The following DCUN1D4 variants were observed in gnomAD, a reference collection of about 807,000 sequenced individuals.
The protein encoded by DCUN1D4 is DCN1-like protein 4.
DCUN1D4 carries 22 observed loss-of-function variants against 47.9 expected under a neutral mutation model. The ratio of observed to expected loss-of-function variants is 0.46; its 90% CI spans 0.33 to 0.66. The LOEUF (loss-of-function observed/expected upper bound fraction) is 0.66, where lower values mean the gene tolerates loss of function less well. Ranked by LOEUF, DCUN1D4 falls within the 30% of genes least tolerant of loss-of-function variation. The pLI is 0.02. For synonymous variants in DCUN1D4, 121 were observed against 112.2 expected (o/e 1.08, Z -0.50); for missense variants, 301 against 340.8 (o/e 0.88, Z 0.92).
At chr4:51,859,368 T>A (rs1439424542) in intron 1 of DCUN1D4, among the ~76,000 whole-genome samples, 1 of 152,192 alleles carries the variant, frequency 6.6e-6, no homozygotes. Context: ...GTGACTATGG[T>A]ATAAAGGGAA....
upstream of DCUN1D4, chr4:51,842,869 G>A (rs1721814999): frequency 3.5e-6 from 1 of 284,488 alleles, no homozygotes; most frequent in South Asian, 1.1e-4. Context: ...CAATTTCCCA[G>A]CTTCGCCCCT....
chr4:51,853,215 T>C (rs1723629474), intron 1 of DCUN1D4, among the ~76,000 whole-genome samples: 1 of 152,104 alleles, frequency 6.6e-6, no homozygotes, highest in Non-Finnish European at 1.5e-5. Flanking sequence ...CTTTTTTGAG[T>C]CCTGCAAGAG....
At chr4:51,855,066 G>A (rs1303266252) in intron 1 of DCUN1D4, among the ~76,000 whole-genome samples, 1 of 152,152 alleles carries the variant, frequency 6.6e-6, no homozygotes, top group East Asian at 1.9e-4. Context: ...GCAAAAGGAA[G>A]TCCCTATCCT....
intron 6 of DCUN1D4, among the ~76,000 whole-genome samples, chr4:51,890,869 T>C (rs1319062919): frequency 6.6e-6 from 1 of 152,220 alleles, no homozygotes; most frequent in African/African-American, 2.4e-5. Flanking sequence ...TTCTCTAAAA[T>C]AGCTAAGGAA....
At chr4:51,897,449 C>G (rs543581591) in intron 7 of DCUN1D4, among the ~76,000 whole-genome samples, 1 of 152,160 alleles carries the variant, frequency 6.6e-6, no homozygotes, top group Non-Finnish European at 1.5e-5. Context: ...ATTATCTGTA[C>G]TTAGTAGGTT....
At chr4:51,843,002 TG>T (rs1229652006), upstream of DCUN1D4, 18 of 1,291,610 alleles carry the variant, frequency 1.4e-5, no homozygotes, top group East Asian at 3.1e-5. Context: ...TATTGGCCAG[TG>T]GGGGGCGGGG....
rs1051160955 is a variant in DCUN1D4 at position 51,891,912 on chromosome 4, C to A, written c.506+61C>A. 3.9e-6 allele frequency: 5 copies of A among 1,288,410 alleles called. No homozygotes were observed. In the South Asian group the frequency reaches 6.5e-5, roughly 17 times the overall value. 79.8% of individuals were successfully genotyped at this position (1,288,410 alleles called of 1,614,324 possible). On this transcript the variant is annotated intron_variant, in intron 7 of 10. Coordinates refer to ENST00000334635, the MANE Select transcript of DCUN1D4 (RefSeq NM_001040402.3). ...CTTCCCAGGTGGTTGCCTCCTTCCT[C>A]CCTAGGACTTCAGGAGGTGATTGAG... is the stretch of plus-strand genomic sequence containing the variant.
At chr4:51,911,237 T>A (rs1733672923) in intron 9 of DCUN1D4, 63 bp downstream of exon 9, 1 of 1,427,950 alleles carries the variant, frequency 7.0e-7, no homozygotes, top group Admixed American at 1.9e-5. Context: ...ATAACTTTAT[T>A]CACCCGTTGT....
At chr4:51,840,307 A>C (rs1721597555), upstream of DCUN1D4, among the ~76,000 whole-genome samples, 1 of 152,224 alleles carries the variant, frequency 6.6e-6, no homozygotes, top group Non-Finnish European at 1.5e-5. Context: ...AAAAATCCTG[A>C]ATGAAATACA....
chr4:51,863,329 A>T, intron 1 of DCUN1D4, 108 bp from the exon 2 acceptor site: 3 of 886,712 alleles, frequency 3.4e-6, no homozygotes, highest in Non-Finnish European at 5.3e-6. Flanking sequence ...GTGTCAAATT[A>T]ATTGAGATAG....
chr4:51,864,670 C>T (rs935488562), intron 3 of DCUN1D4, among the ~76,000 whole-genome samples: 2 of 152,120 alleles, frequency 1.3e-5, no homozygotes, highest in Non-Finnish European at 2.9e-5. Flanking sequence ...CTCCCTCAGG[C>T]CTCTTTTATA....
chr4:51,835,167 A>T, the DCUN1D4 span, among the ~76,000 whole-genome samples: 3 of 152,218 alleles, frequency 2.0e-5, no homozygotes, highest in Non-Finnish European at 2.9e-5. Flanking sequence ...AAATGTTATC[A>T]AAGAGGCAAC....
intron 2 of DCUN1D4, 75 bp from the exon 3 acceptor site, chr4:51,863,595 T>TA: frequency 6.3e-7 from 1 of 1,578,798 alleles, no homozygotes; most frequent in Middle Eastern, 1.7e-4. Context: ...AGATTCTAGA[T>TA]ATTAGGATAT....
chr4:51,842,679 C>T (rs573623726), upstream of DCUN1D4, among the ~76,000 whole-genome samples: 32 of 152,320 alleles, frequency 2.1e-4, no homozygotes, highest in Admixed American at 9.1e-4. Flanking sequence ...GCGCTAGGGA[C>T]GGACGCATTT....
intron 8 of DCUN1D4, among the ~76,000 whole-genome samples, chr4:51,904,625 A>G (rs1366119090): frequency 6.6e-6 from 1 of 152,070 alleles, no homozygotes; most frequent in African/African-American, 2.4e-5. Flanking sequence ...CCTGAGGCTT[A>G]CCTTATTTAT....
intron 3 of DCUN1D4, among the ~76,000 whole-genome samples, chr4:51,867,773 G>GGAACTGGAGT (rs1312986247): frequency 6.6e-6 from 1 of 152,252 alleles, no homozygotes; most frequent in Non-Finnish European, 1.5e-5. Context: ...GGAACTGGCA[G>GGAACTGGAGT]CCCAGCCTCC....
chr4:51,858,150 A>G (rs1049525431), intron 1 of DCUN1D4, among the ~76,000 whole-genome samples: 1 of 152,210 alleles, frequency 6.6e-6, no homozygotes, highest in East Asian at 1.9e-4. Context: ...TTGACAAATA[A>G]TTGTATATAT....
chr4:51,855,051 A>G (rs994673201), intron 1 of DCUN1D4, among the ~76,000 whole-genome samples: 4 of 152,214 alleles, frequency 2.6e-5, no homozygotes, highest in African/African-American at 9.6e-5. Flanking sequence ...AGAGTAGTGA[A>G]TAAAGCAAAA....
upstream of DCUN1D4, among the ~76,000 whole-genome samples, chr4:51,839,155 G>C (rs527863558): frequency 6.7e-6 from 1 of 149,238 alleles, no homozygotes; most frequent in Non-Finnish European, 1.5e-5. Flanking sequence ...AGGAAGGAAG[G>C]AAGGAAGGAG....
Sources: allele counts gnomAD v4.1 joint callset (sites outside exome capture counted in the v4.1 genomes callset), GRCh38; gene constraint gnomAD v4.1.1; transcripts MANE v1.5; gene names NCBI Gene and HGNC (gene_info 2026-07-23, HGNC 2026-07-21).